Variants in LSAMP observed in about 807,000 individuals in gnomAD.
The protein encoded by LSAMP is limbic system associated membrane protein, also known as limbic system-associated membrane protein.
Under a neutral mutation model 38.6 loss-of-function variants are expected in LSAMP, and 7 were observed. The ratio of observed to expected loss-of-function variants is 0.18; its 90% confidence interval spans 0.10 to 0.34. LSAMP has a LOEUF of 0.34. Among genes scored for constraint, LSAMP ranks in the 10% least tolerant of loss-of-function variants. LSAMP has a pLI of 1.00. For synonymous variants in LSAMP, 154 were observed against 166.8 expected, an observed-to-expected ratio of 0.92 and a Z score of 0.59; for missense variants, 313 against 420.0, an observed-to-expected ratio of 0.75 and a Z score of 2.23.
intron 1 of LSAMP, among the ~76,000 whole-genome samples, chr3:116,154,851 A>G (rs1487103179): frequency 6.6e-6 from 1 of 152,170 alleles, no homozygotes; most frequent in Non-Finnish European, 1.5e-5. Context: ...ACTTTTACCT[A>G]AACTTAAAAG....
intron 1 of LSAMP, among the ~76,000 whole-genome samples, chr3:116,246,326 T>C (rs998291300): frequency 6.6e-6 from 1 of 152,188 alleles, no homozygotes; most frequent in Non-Finnish European, 1.5e-5. Flanking sequence ...TGGGAATACA[T>C]AGGAGCATAA....
intron 6 of LSAMP, among the ~76,000 whole-genome samples, chr3:115,838,517 C>T (rs1329970754): frequency 1.3e-5 from 2 of 152,172 alleles, no homozygotes; most frequent in African/African-American, 4.8e-5. Context: ...CTTGGCCATA[C>T]ATTGTGCCAT....
Position 115,878,453 on chromosome 3 carries a change from CTTTTTTTT to C in LSAMP, c.515-25844_515-25837del, listed in dbSNP as rs3087024. On this transcript the variant is annotated intron_variant, in intron 3 of 6. Transcript: ENST00000490035. Reference sequence around the variant, plus strand: ...CTTGATACTTTGAGAACATGCTATTCTTTTTTTTTTTTTTTTTTTTTTTTTTTTGACAG... The same window carrying C: ...CTTGATACTTTGAGAACATGCTATTCTTTTTTTTTTTTTTTTTTTTGACAG... Among the ~76,000 whole-genome samples the C allele has an allele frequency of 2.9e-4, 16 of 55,540 alleles. No homozygotes were observed. In the South Asian group the frequency reaches 8.6e-3, roughly 30 times the overall value. The allele number at this position is 55,540 out of a possible 152,430, so 36.4% of individuals were successfully genotyped here. A position where few individuals can be genotyped will look rare whatever the true frequency, so the allele number is the denominator to read the frequency against.
At chr3:116,379,252 T>C (rs1353106426) in intron 1 of LSAMP, among the ~76,000 whole-genome samples, 1 of 152,056 alleles carries the variant, frequency 6.6e-6, no homozygotes, top group East Asian at 1.9e-4. Flanking sequence ...GTCGCATATG[T>C]TTTCAGTGTC....
chr3:116,315,196 C>T (rs2047612255), intron 1 of LSAMP, among the ~76,000 whole-genome samples: 1 of 152,182 alleles, frequency 6.6e-6, no homozygotes, highest in South Asian at 2.1e-4. Context: ...CAGTTTCTAT[C>T]TATCAGATTC....
chr3:115,859,335 G>T (rs932698629), intron 3 of LSAMP, among the ~76,000 whole-genome samples: 2 of 152,086 alleles, frequency 1.3e-5, no homozygotes, highest in African/African-American at 4.8e-5. Context: ...GGAAGAACAA[G>T]GTATTGAAGG....
intron 1 of LSAMP, among the ~76,000 whole-genome samples, chr3:116,434,169 A>G (rs2049316534): frequency 6.6e-6 from 1 of 152,130 alleles, no homozygotes; most frequent in South Asian, 2.1e-4. Context: ...CTTCACCAAA[A>G]TATCTTCCTT....
At chr3:115,920,381 C>CT (rs1295030136) in intron 3 of LSAMP, among the ~76,000 whole-genome samples, 3 of 152,026 alleles carry the variant, frequency 2.0e-5, no homozygotes, top group South Asian at 2.1e-4. Flanking sequence ...CTCTCTCTCT[C>CT]TTTTTTTAAT....
At chr3:115,990,106 C>A (rs960441491) in intron 3 of LSAMP, among the ~76,000 whole-genome samples, 2 of 151,994 alleles carry the variant, frequency 1.3e-5, no homozygotes, top group Non-Finnish European at 2.9e-5. Flanking sequence ...AGTTCTTAAC[C>A]AGCCTCCACA....
At chr3:116,078,622 G>A (rs557347194) in intron 2 of LSAMP, among the ~76,000 whole-genome samples, 3 of 152,178 alleles carry the variant, frequency 2.0e-5, no homozygotes, top group South Asian at 2.1e-4. Flanking sequence ...CACTGCACCC[G>A]GCCCTATCCT....
chr3:116,435,675 T>C (rs539460531), intron 1 of LSAMP, among the ~76,000 whole-genome samples: 20 of 152,170 alleles, frequency 1.3e-4, no homozygotes, highest in Non-Finnish European at 2.8e-4. Flanking sequence ...ATCAGCTTCA[T>C]TGTTAGCCCA....
intron 1 of LSAMP, among the ~76,000 whole-genome samples, chr3:116,107,407 G>A (rs573077922): frequency 9.9e-5 from 15 of 152,264 alleles, no homozygotes; most frequent in East Asian, 7.7e-4. Context: ...GCCGCTGCAC[G>A]CAGACATGAG....
At chr3:116,192,620 G>C (rs1559777145) in intron 1 of LSAMP, among the ~76,000 whole-genome samples, 2 of 152,154 alleles carry the variant, frequency 1.3e-5, no homozygotes, top group Non-Finnish European at 2.9e-5. Flanking sequence ...TTATTAATAA[G>C]TGACACCTGG....
At position 116,437,631 on chromosome 3, in the gene LSAMP, G is replaced by T. The variant is rs150800039; in HGVS notation, c.155+7246C>A. On this transcript the variant is annotated intron_variant, in intron 1 of 6. Coordinates refer to ENST00000490035, the MANE Select transcript of LSAMP (RefSeq NM_002338.5). Reference sequence around the variant, plus strand: ...GAGAGAGGAGAAGGGAGGAGAGAAGGCAAGAGGGAAGAATTGGAGGGAGGA... The same window carrying T: ...GAGAGAGGAGAAGGGAGGAGAGAAGTCAAGAGGGAAGAATTGGAGGGAGGA... Among the ~76,000 whole-genome samples, 204 of 151,546 alleles carry T rather than the reference G, an allele frequency of 1.3e-3. 3 individuals carry two copies. Among genetic ancestry groups the T allele is most frequent in the African/African-American group, 4.8e-3 (198 of 41,326 alleles).
intron 1 of LSAMP, among the ~76,000 whole-genome samples, chr3:116,195,991 T>C (rs1342259135): frequency 6.6e-6 from 1 of 152,236 alleles, no homozygotes; most frequent in East Asian, 1.9e-4. Context: ...TATTGGTCAC[T>C]ATAAATCAAT....
chr3:116,424,880 TCTTTC>T (rs1299542278), intron 1 of LSAMP, among the ~76,000 whole-genome samples: 1 of 152,194 alleles, frequency 6.6e-6, no homozygotes, highest in African/African-American at 2.4e-5. Context: ...ATTCCATTTT[TCTTTC>T]CTTTCAACTA....
intron 1 of LSAMP, among the ~76,000 whole-genome samples, chr3:116,088,019 A>G (rs1708031323): frequency 6.6e-6 from 1 of 151,140 alleles, no homozygotes; most frequent in Non-Finnish European, 1.5e-5. Flanking sequence ...TCAGCCTCCT[A>G]AGTAGCTAGG....
intron 3 of LSAMP, among the ~76,000 whole-genome samples, chr3:115,855,853 T>C (rs1431233461): frequency 6.6e-6 from 1 of 152,176 alleles, no homozygotes; most frequent in Non-Finnish European, 1.5e-5. Flanking sequence ...GAGACACCCC[T>C]GGGCCCTCCC....
At chr3:115,819,532 A>G (rs1420969625) in intron 6 of LSAMP, among the ~76,000 whole-genome samples, 1 of 152,122 alleles carries the variant, frequency 6.6e-6, no homozygotes, top group Non-Finnish European at 1.5e-5. Flanking sequence ...AGGTGTGGGT[A>G]AGAATCTACA....
Sources: allele counts gnomAD v4.1 joint callset (sites outside exome capture counted in the v4.1 genomes callset), GRCh38; gene constraint gnomAD v4.1.1; transcripts MANE v1.5; gene names NCBI Gene and HGNC (gene_info 2026-07-23, HGNC 2026-07-21).